The following RNF213 variants were observed in gnomAD, a reference collection of about 807,000 sequenced individuals.
RNF213 encodes E3 ubiquitin-protein ligase RNF213.
A neutral mutation model predicts 514.4 loss-of-function variants in RNF213; 341 were observed. The ratio of observed to expected loss-of-function variants is 0.66; its 90% CI spans 0.61 to 0.73. The LOEUF is 0.73. RNF213 is among the 30% of genes least tolerant of loss of function. The pLI, the probability that RNF213 is intolerant of heterozygous loss-of-function variation, is 0.00. For synonymous variants in RNF213, 2,655 were observed against 2,658.2 expected, an observed-to-expected ratio of 1.00 and a Z score of 0.04; for missense variants, 5,767 against 6,615.6, an observed-to-expected ratio of 0.87 and a Z score of 4.45.
At chr17:80,295,129 T>A in intron 9 of RNF213, 126 bp downstream of exon 9, 3 of 1,092,344 alleles carry the variant, frequency 2.7e-6, no homozygotes, top group Non-Finnish European at 2.7e-6. Context: ...CTTTCCAGCC[T>A]TTTCTCCTAC....
In RNF213 at chr17:80,393,336, G is replaced by C; in HGVS notation, c.15471-9G>C. The C allele has an allele frequency of 6.2e-7, 1 of 1,613,538 alleles. No homozygotes were observed. The highest frequency in any genetic ancestry group is 8.5e-7 in the Non-Finnish European group (1 of 1,179,828). ...ACTGTTTTAAATGCTCTCTTCTTTG[G>C]TTTTTCAGCCTGAGAGACACTCTCG... is the stretch of plus-strand genomic sequence containing the variant. On this transcript the variant is annotated splice_polypyrimidine_tract_variant and intron_variant, in intron 67 of 67. Transcript: ENST00000582970.
rs548848152 is a variant in RNF213, at chr17:80,345,520, C to T, written c.7185C>T (p.Leu2395=). ...CCGACCCCGACAAAACGTATGAGCT[C>T]ACAACCGACAATATGCTTAAAATCC... ...QATDPDKTYE[L]TTDNMLKILA... Residue 2395 remains leucine, a synonymous_variant, in exon 29 of 68, where the codon CTC becomes CTT. Coordinates refer to ENST00000582970, the MANE Select transcript of RNF213 (RefSeq NM_001256071.3). The surrounding 1 kb of genome is among the most constrained non-coding windows in gnomAD (Gnocchi z 6.0). The T allele has an allele frequency of 6.2e-7, 1 of 1,612,610 alleles. No homozygotes were observed. Among genetic ancestry groups the T allele is most frequent in the East Asian group, 2.2e-5 (1 of 44,838 alleles).
At chr17:80,273,208 G>A in intron 2 of RNF213, 33 bp from the exon 3 acceptor site, 2 of 1,612,648 alleles carry the variant, frequency 1.2e-6, no homozygotes, top group Non-Finnish European at 1.7e-6. Context: ...GCTTCTCTCT[G>A]AGATCTGACC....
intron 28 of RNF213, among the ~76,000 whole-genome samples, chr17:80,344,309 T>C (rs1414942874): frequency 6.6e-6 from 1 of 152,258 alleles, no homozygotes; most frequent in Non-Finnish European, 1.5e-5. Context: ...GAAATTCATC[T>C]GTTGAAAGAC....
In RNF213 at chr17:80,362,060, A is replaced by G. The variant is rs184503889; in HGVS notation, c.11355+172A>G. ...TGAAGGGGTCGCCCAGTCTCCTCTC[A>G]ATATTCAGTGCTACACCCTCAGTCC... On this transcript the variant is annotated intron_variant, in intron 39 of 67. Coordinates refer to ENST00000582970, the MANE Select transcript of RNF213 (RefSeq NM_001256071.3). 1.6e-3 allele frequency among the ~76,000 whole-genome samples: 242 copies of G among 152,328 alleles called. 1 individual carries two copies. The highest frequency in any genetic ancestry group is 2.8e-3 in the Non-Finnish European group (188 of 68,038).
chr17:80,389,634 C>T (rs771437070), intron 65 of RNF213, among the ~76,000 whole-genome samples, 194 bp from the exon 66 acceptor site: 3 of 152,150 alleles, frequency 2.0e-5, no homozygotes, highest in Non-Finnish European at 2.9e-5. Context: ...GTGATGTGAG[C>T]GGGCTGTGAG....
At chr17:80,363,053 C>G in intron 39 of RNF213, 49 bp from the exon 40 acceptor site, 1 of 1,513,996 alleles carries the variant, frequency 6.6e-7, no homozygotes. Flanking sequence ...GGAAAACATA[C>G]CATTTTTGTA....
chr17:80,381,162 T>TA, intron 56 of RNF213, 175 bp downstream of exon 56: 3 of 728,192 alleles, frequency 4.1e-6, no homozygotes, highest in Non-Finnish European at 4.8e-6. Flanking sequence ...CGTATGATGG[T>TA]ATGGGGGGAA....
chr17:80,268,832 C>T (rs778301837), intron 2 of RNF213, among the ~76,000 whole-genome samples: 5 of 152,140 alleles, frequency 3.3e-5, no homozygotes, highest in Non-Finnish European at 7.3e-5. Context: ...GGAGAATTGG[C>T]TCACACAATC....
chr17:80,389,326 G>A lies in RNF213; in HGVS notation c.15154G>A (p.Asp5052Asn). The change falls in exon 65 of 68, where the codon GAC becomes AAC. Residue 5052 changes from aspartate to asparagine, a missense_variant. Physicochemically the swap from Asp to Asn is conservative, Grantham distance 23. This residue lies in a region of RNF213 where 1,245 missense variants were observed against 1,339.0 expected (regional missense o/e 0.93). Coordinates refer to ENST00000582970, the MANE Select transcript of RNF213 (RefSeq NM_001256071.3). ...PNMQLNVYTQ[D>N]ILQMGDQTIH... is the part of the protein sequence containing the mutation. ...CATGCAGCTGAATGTGTATACTCAAGACATCCTGCAAATGGGTGATCAGAC... is the reference window on the plus strand; with the variant it reads ...CATGCAGCTGAATGTGTATACTCAAAACATCCTGCAAATGGGTGATCAGAC... 1.9e-6 allele frequency: 3 copies of A among 1,614,230 alleles called. No homozygotes were observed. The highest frequency in any genetic ancestry group is 2.5e-6 in the Non-Finnish European group (3 of 1,180,044).
rs1034687679 is a variant in RNF213 at position 80,339,118 on chromosome 17, G to A, written c.4834-83G>A. The A allele has an allele frequency of 2.5e-5, 30 of 1,212,588 alleles. 1 individual carries two copies. Among genetic ancestry groups the A allele is most frequent in the South Asian group, 5.0e-5 (3 of 60,484 alleles). The allele number at this position is 1,212,588 out of a possible 1,614,324, so 75.1% of individuals were successfully genotyped here. Reference sequence around the variant, plus strand: ...CCTGTGGACAGGGCCGTCTTTTGGCGGTAGGCCTGTGTGCTGTTGCAGAGT... The same window carrying A: ...CCTGTGGACAGGGCCGTCTTTTGGCAGTAGGCCTGTGTGCTGTTGCAGAGT... On this transcript the variant is annotated intron_variant, in intron 25 of 67. Coordinates refer to ENST00000582970, the MANE Select transcript of RNF213 (RefSeq NM_001256071.3).
At chr17:80,327,079 T>C (rs2046299189) in intron 18 of RNF213, among the ~76,000 whole-genome samples, 1 of 152,250 alleles carries the variant, frequency 6.6e-6, no homozygotes, top group South Asian at 2.1e-4. Flanking sequence ...GCTATGAAAG[T>C]GTCTCCCTAA....
In RNF213 at chr17:80,361,815, A is replaced by G. The variant is rs1419782146; in HGVS notation, c.11282A>G (p.Gln3761Arg). Reference sequence around the variant, plus strand: ...GCCCAGCTCCATGGAGAGCCGCAGCAGGAACTTCTTCAGTGTTACTTGAAG... The same window carrying G: ...GCCCAGCTCCATGGAGAGCCGCAGCGGGAACTTCTTCAGTGTTACTTGAAG... ...FLAQLHGEPQ[Q>R]ELLQCYLKDF... is the part of the protein sequence containing the mutation. Residue 3761 changes from glutamine to arginine, a missense_variant, in exon 39 of 68, where the codon CAG becomes CGG. Physicochemically the swap from Gln to Arg is conservative, Grantham distance 43. Coordinates refer to ENST00000582970, the MANE Select transcript of RNF213 (RefSeq NM_001256071.3). The G allele has an allele frequency of 1.9e-6, 3 of 1,614,140 alleles. No individual in the cohort carries two copies. The Admixed American group carries it at 5.0e-5, about 27-fold the overall frequency.
chr17:80,329,419 G>A (rs2046357381), intron 20 of RNF213, among the ~76,000 whole-genome samples: 1 of 152,228 alleles, frequency 6.6e-6, no homozygotes, highest in Non-Finnish European at 1.5e-5. Context: ...GGAGAAGTCC[G>A]ATGCAGTGCC....
In RNF213 at chr17:80,279,551, G is replaced by A. The variant is rs536319115; in HGVS notation, c.261+6147G>A. Among the ~76,000 whole-genome samples, 52 of 151,820 alleles carry A rather than the reference G, an allele frequency of 3.4e-4. 1 individual carries two copies. Among genetic ancestry groups the A allele is most frequent in the African/African-American group, 1.0e-3 (42 of 41,356 alleles). On this transcript the variant is annotated intron_variant, in intron 3 of 67. Transcript: ENST00000582970. Reference sequence around the variant, plus strand: ...ACGATCTCAGTTCACTGCAACCTCCGCGTGCAGGGTTCAAGCGATTCTCCT... The same window carrying A: ...ACGATCTCAGTTCACTGCAACCTCCACGTGCAGGGTTCAAGCGATTCTCCT...
chr17:80,272,153 A>C (rs957871849), intron 2 of RNF213, among the ~76,000 whole-genome samples: 2 of 149,918 alleles, frequency 1.3e-5, no homozygotes, highest in African/African-American at 4.9e-5. Flanking sequence ...GTGTGGTGGC[A>C]TGCACCTGTA....
intron 37 of RNF213, among the ~76,000 whole-genome samples, chr17:80,359,474 C>T (rs1410447470): frequency 1.8e-5 from 2 of 108,442 alleles, no homozygotes; most frequent in African/African-American, 7.8e-5. Context: ...GATAGGATCA[C>T]ACCACTCACT....
At chr17:80,308,987 C>T (rs766135517) in intron 13 of RNF213, 31 bp from the exon 14 acceptor site, 14 of 1,612,926 alleles carry the variant, frequency 8.7e-6, no homozygotes, top group Admixed American at 1.7e-5. Flanking sequence ...TAAATCCTTG[C>T]CGGGATTTCT....
Position 80,347,122 on chromosome 17 carries a change from A to G in RNF213, c.8787A>G (p.Gln2929=). 5 of 1,614,070 alleles carry G rather than the reference A, an allele frequency of 3.1e-6. No individual in the cohort carries two copies. Among genetic ancestry groups the G allele is most frequent in the Non-Finnish European group, 4.2e-6 (5 of 1,180,022 alleles). ...SSDILVQDRV[Q]GYFASFAKAY... ...ACATCCTCGTCCAGGACCGAGTCCA[A>G]GGGTACTTTGCGTCCTTTGCCAAAG... The change falls in exon 29 of 68, where the codon CAA becomes CAG. Residue 2929 remains glutamine (Q), a synonymous_variant. Transcript: ENST00000582970. This position sits in a 1 kb window ranked among gnomAD's most constrained non-coding sequence, Gnocchi z 7.2.
Sources: allele counts gnomAD v4.1 joint callset (sites outside exome capture counted in the v4.1 genomes callset), GRCh38; gene constraint gnomAD v4.1.1; regional missense constraint gnomAD v4.1.1; non-coding constraint Gnocchi (gnomAD v3.1); transcripts MANE v1.5; gene names NCBI Gene and HGNC (gene_info 2026-07-23, HGNC 2026-07-21).